The following MBOAT2 variants were observed in gnomAD, a reference collection of about 807,000 sequenced individuals.
MBOAT2 encodes membrane bound glycerophospholipid O-acyltransferase 2, also known as membrane-bound glycerophospholipid O-acyltransferase 2.
Under a neutral mutation model 63.4 loss-of-function variants are expected in MBOAT2, and 28 were observed. That is an observed-to-expected ratio of 0.44 (90% CI 0.33 to 0.61). The LOEUF (loss-of-function observed/expected upper bound fraction) is 0.61, where lower values mean the gene tolerates loss of function less well. MBOAT2 is among the 20% of genes least tolerant of loss of function. The pLI is 0.03. For missense variants in MBOAT2, 470 were observed against 605.8 expected, an observed-to-expected ratio of 0.78 and a Z score of 2.35; for synonymous variants, 211 against 215.6, an observed-to-expected ratio of 0.98 and a Z score of 0.19.
intron 2 of MBOAT2, among the ~76,000 whole-genome samples, chr2:8,949,671 C>A (rs746358803): frequency 2.0e-5 from 3 of 152,016 alleles, no homozygotes; most frequent in Non-Finnish European, 2.9e-5. Context: ...CTTTATTTTG[C>A]AGTCTTCTAT....
chr2:8,870,787 C>T (rs1324134825), intron 8 of MBOAT2, among the ~76,000 whole-genome samples: 2 of 152,048 alleles, frequency 1.3e-5, no homozygotes, highest in East Asian at 3.8e-4. Context: ...AAATATAGTT[C>T]AATTTCAAAT....
At chr2:8,960,115 T>A (rs889353008) in intron 1 of MBOAT2, among the ~76,000 whole-genome samples, 1 of 152,242 alleles carries the variant, frequency 6.6e-6, no homozygotes, top group African/African-American at 2.4e-5. Context: ...AAGGTTCTAA[T>A]ACTTCCTGCC....
At chr2:8,945,009 T>C (rs62104440) in intron 2 of MBOAT2, among the ~76,000 whole-genome samples, 2,240 of 152,328 alleles carry the variant, frequency 0.015, 19 homozygotes, top group Non-Finnish European at 0.021. Flanking sequence ...CTTTGCTACG[T>C]TAAATTTCTT....
intron 3 of MBOAT2, among the ~76,000 whole-genome samples, chr2:8,923,948 G>C (rs913690517): frequency 1.2e-4 from 18 of 152,088 alleles, no homozygotes; most frequent in African/African-American, 3.9e-4. Context: ...GATCAGCAAG[G>C]AAACATTATT....
chr2:8,979,616 T>C (rs1278869319), intron 1 of MBOAT2, among the ~76,000 whole-genome samples: 2 of 152,168 alleles, frequency 1.3e-5, no homozygotes, highest in Non-Finnish European at 2.9e-5. Flanking sequence ...CAGATCATTG[T>C]ATTATTCCAA....
intron 10 of MBOAT2, among the ~76,000 whole-genome samples, chr2:8,863,649 A>G (rs868241057): frequency 1.8e-4 from 28 of 152,176 alleles, no homozygotes; most frequent in African/African-American, 6.8e-4. Flanking sequence ...CACAGGGAAC[A>G]GCATGTGTCT....
Position 8,873,310 on chromosome 2 carries a change from G to A in MBOAT2, c.691-10C>T, listed in dbSNP as rs781354650. The A allele has an allele frequency of 7.5e-6, 12 of 1,609,228 alleles. No individual in the cohort carries two copies. Among genetic ancestry groups the A allele is most frequent in the Admixed American group, 3.4e-5 (2 of 59,504 alleles). ...TCTGAACAACCGCAGTCTGAAAAGC[G>A]CAAGGCGAGACTTCATCAACTTTAT... On this transcript the variant is annotated splice_polypyrimidine_tract_variant and intron_variant, in intron 7 of 12. Coordinates refer to ENST00000305997, the MANE Select transcript of MBOAT2 (RefSeq NM_138799.4).
chr2:8,923,116 C>T (rs576578523), intron 3 of MBOAT2, among the ~76,000 whole-genome samples: 3 of 152,248 alleles, frequency 2.0e-5, no homozygotes, highest in Non-Finnish European at 4.4e-5. Context: ...AAGTTGAAAC[C>T]ATATTGGTAA....
intron 4 of MBOAT2, among the ~76,000 whole-genome samples, chr2:8,906,252 T>TAA (rs759822087): frequency 1.3e-5 from 2 of 152,240 alleles, no homozygotes; most frequent in African/African-American, 2.4e-5. Context: ...CCCAGCCTTT[T>TAA]AAATGTCAGC....
intron 4 of MBOAT2, among the ~76,000 whole-genome samples, chr2:8,897,179 TTC>T (rs367691352): frequency 1.3e-5 from 2 of 152,166 alleles, no homozygotes; most frequent in East Asian, 1.9e-4. Flanking sequence ...CTGTGTCTCT[TTC>T]TCTCTTTTTC....
intron 1 of MBOAT2, among the ~76,000 whole-genome samples, chr2:8,968,969 A>G (rs1262966339): frequency 6.6e-6 from 1 of 152,240 alleles, no homozygotes; most frequent in African/African-American, 2.4e-5. Context: ...GATATTATCC[A>G]GAAGAACTTC....
chr2:9,000,722 T>G (rs986533172), intron 1 of MBOAT2, among the ~76,000 whole-genome samples: 4 of 152,222 alleles, frequency 2.6e-5, no homozygotes, highest in Admixed American at 2.6e-4. Context: ...GACCAGCGTG[T>G]GAATGCAAAG....
chr2:8,927,133 G>A (rs937661322), intron 3 of MBOAT2, among the ~76,000 whole-genome samples: 1 of 152,136 alleles, frequency 6.6e-6, no homozygotes, highest in African/African-American at 2.4e-5. Flanking sequence ...ATGCTGGGGT[G>A]GGAGCAGAAA....
intron 3 of MBOAT2, among the ~76,000 whole-genome samples, chr2:8,913,401 C>A: frequency 6.6e-6 from 1 of 151,210 alleles, no homozygotes; most frequent in African/African-American, 2.4e-5. Flanking sequence ...AACAGGCAAC[C>A]CACAGAGAAA....
At chr2:8,905,098 T>C (rs1665234614) in intron 4 of MBOAT2, among the ~76,000 whole-genome samples, 1 of 152,208 alleles carries the variant, frequency 6.6e-6, no homozygotes, top group African/African-American at 2.4e-5. Context: ...GAGTCTGGGC[T>C]TTGCTTCTTG....
At chr2:8,874,055 CA>C (rs1426021041) in intron 7 of MBOAT2, among the ~76,000 whole-genome samples, 1 of 152,132 alleles carries the variant, frequency 6.6e-6, no homozygotes, top group Non-Finnish European at 1.5e-5. Context: ...ATGAAGTATG[CA>C]ACAAAATATC....
intron 1 of MBOAT2, among the ~76,000 whole-genome samples, chr2:8,987,488 T>C (rs752502544): frequency 1.3e-5 from 2 of 152,242 alleles, no homozygotes; most frequent in Non-Finnish European, 2.9e-5. Flanking sequence ...GATTGCCAAA[T>C]GAAAACTCTG....
At chr2:8,880,186 G>A (rs986105867) in intron 6 of MBOAT2, among the ~76,000 whole-genome samples, 3 of 152,004 alleles carry the variant, frequency 2.0e-5, no homozygotes, top group Admixed American at 1.3e-4. Flanking sequence ...GGGAAGCCAG[G>A]AAGGAAAGCT....
intron 1 of MBOAT2, among the ~76,000 whole-genome samples, chr2:8,986,942 T>C (rs1277343994): frequency 2.0e-5 from 3 of 152,218 alleles, no homozygotes; most frequent in African/African-American, 7.2e-5. Flanking sequence ...CCTCTGGATC[T>C]GCGAGAAAAT....
Sources: gnomAD v4.1 joint callset for allele counts (sites outside exome capture counted in the v4.1 genomes callset) on GRCh38, gnomAD v4.1.1 for gene constraint, MANE v1.5 for transcripts, NCBI Gene and HGNC (gene_info 2026-07-23, HGNC 2026-07-21) for gene names.